USP12: variants seen among roughly 807,000 people sequenced by gnomAD.
The protein encoded by USP12 is ubiquitin carboxyl-terminal hydrolase 12.
Under a neutral mutation model 45.5 loss-of-function variants are expected in USP12, and 19 were observed. The ratio of observed to expected loss-of-function variants is 0.42; its 90% CI spans 0.29 to 0.61. The LOEUF (loss-of-function observed/expected upper bound fraction) is 0.61, where lower values mean the gene tolerates loss of function less well. Among genes scored for constraint, USP12 ranks in the 20% least tolerant of loss-of-function variants. The pLI is 0.22. For missense variants in USP12, 242 were observed against 447.7 expected (o/e 0.54, Z 4.15); for synonymous variants, 149 against 148.8 (o/e 1.00, Z -0.01).
At chr13:27,117,692 G>T in intron 1 of USP12, 2 of 517,614 alleles carry the variant, frequency 3.9e-6, no homozygotes, top group South Asian at 2.8e-5. Flanking sequence ...CTGAGTGAGT[G>T]CTGGAAGAGG....
At chr13:27,072,187 T>C (rs963846328) in intron 7 of USP12, among the ~76,000 whole-genome samples, 8 of 152,202 alleles carry the variant, frequency 5.3e-5, no homozygotes, top group African/African-American at 1.9e-4. Flanking sequence ...TTTCTGTATT[T>C]ATTTAGGCTC....
chr13:27,160,683 T>G (rs970345589), intron 1 of USP12, among the ~76,000 whole-genome samples: 1 of 152,114 alleles, frequency 6.6e-6, no homozygotes, highest in African/African-American at 2.4e-5. Flanking sequence ...CTGAAGAAAT[T>G]ATCAGCTTTA....
intron 1 of USP12, 121 bp downstream of exon 1, chr13:27,171,463 GGGCCGCCC>G (rs1878609289): frequency 8.5e-5 from 1 of 11,702 alleles, no homozygotes; most frequent in African/African-American, 2.6e-4. Context: ...CGGGCCGCCC[GGGCCGCCC>G]AGCCCGCCCG....
intron 2 of USP12, among the ~76,000 whole-genome samples, chr13:27,108,197 G>A (rs1285571640): frequency 6.6e-6 from 1 of 151,892 alleles, no homozygotes; most frequent in East Asian, 1.9e-4. Context: ...GGAATACTAT[G>A]CAGCCATAAA....
chr13:27,086,308 C>CACACACACAA (rs369044569), intron 6 of USP12, among the ~76,000 whole-genome samples: 35 of 122,612 alleles, frequency 2.9e-4, no homozygotes, highest in African/African-American at 9.3e-4. Flanking sequence ...CACACACACA[C>CACACACACAA]AATGCAGCAC....
chr13:27,090,934 C>T (rs1022328919), intron 4 of USP12, among the ~76,000 whole-genome samples: 5 of 152,154 alleles, frequency 3.3e-5, no homozygotes, highest in South Asian at 2.1e-4. Flanking sequence ...TGCAAATATA[C>T]GTAAACCAAG....
intron 3 of USP12, among the ~76,000 whole-genome samples, chr13:27,100,506 T>C (rs1315688717): frequency 6.6e-6 from 1 of 152,168 alleles, no homozygotes; most frequent in African/African-American, 2.4e-5. Flanking sequence ...TGAGGTCATC[T>C]CCCTCCTCCT....
At chr13:27,098,237 AGACT>A (rs1280590993) in intron 3 of USP12, among the ~76,000 whole-genome samples, 1 of 152,190 alleles carries the variant, frequency 6.6e-6, no homozygotes, top group Non-Finnish European at 1.5e-5. Context: ...AACACATCAA[AGACT>A]GACTATGTAA....
At chr13:27,116,439 A>G in intron 2 of USP12, 77 bp downstream of exon 2, 1 of 1,326,080 alleles carries the variant, frequency 7.5e-7, no homozygotes, top group South Asian at 1.4e-5. Context: ...TTTTCCTTTA[A>G]TAACTTATGG....
rs745526498 is a variant in USP12, at chr13:27,107,039, T to C, written c.130-1095A>G. On this transcript the variant is annotated intron_variant, in intron 2 of 8. Transcript: ENST00000282344. Reference sequence around the variant, plus strand: ...ACAAAAACAGCAACAACAAAAAATCTACTGGCCAGACGCAGTGGCTCACAC... The same window carrying C: ...ACAAAAACAGCAACAACAAAAAATCCACTGGCCAGACGCAGTGGCTCACAC... Among the ~76,000 whole-genome samples the C allele has an allele frequency of 2.0e-5, 3 of 152,114 alleles. No individual in the cohort carries two copies. The East Asian group carries it at 5.8e-4, about 29-fold the overall frequency.
chr13:27,157,350 C>A lies in USP12; in HGVS notation c.48+14242G>T, dbSNP rs1877886601. Reference sequence around the variant, plus strand: ...CACAAAGAGGTGTATATAATCCCGTCATTATATAGAGGTGTACATAATTCC... The same window carrying A: ...CACAAAGAGGTGTATATAATCCCGTAATTATATAGAGGTGTACATAATTCC... On this transcript the variant is annotated intron_variant, in intron 1 of 8. Coordinates refer to ENST00000282344, the MANE Select transcript of USP12 (RefSeq NM_182488.4). Among the ~76,000 whole-genome samples, 3 of 152,102 alleles carry A rather than the reference C, an allele frequency of 2.0e-5. No homozygotes were observed. The South Asian group carries it at 6.2e-4, about 32-fold the overall frequency.
chr13:27,082,372 T>C (rs116342767), intron 6 of USP12, among the ~76,000 whole-genome samples: 21 of 152,310 alleles, frequency 1.4e-4, no homozygotes, highest in African/African-American at 4.3e-4. Context: ...TCAGCCTTCA[T>C]AGAACTGAAG....
At chr13:27,153,239 A>C (rs1368746888) in intron 1 of USP12, among the ~76,000 whole-genome samples, 1 of 151,482 alleles carries the variant, frequency 6.6e-6, no homozygotes, top group Non-Finnish European at 1.5e-5. Flanking sequence ...AGGCTGAGGC[A>C]GAGGTTGCAG....
At chr13:27,073,614 AT>A (rs1216737784) in intron 7 of USP12, among the ~76,000 whole-genome samples, 2 of 152,218 alleles carry the variant, frequency 1.3e-5, no homozygotes, top group Non-Finnish European at 2.9e-5. Flanking sequence ...ATCTAGCATG[AT>A]TTAAGTAGAG....
At chr13:27,132,362 T>G (rs957584876) in intron 1 of USP12, among the ~76,000 whole-genome samples, 2 of 152,096 alleles carry the variant, frequency 1.3e-5, no homozygotes, top group South Asian at 2.1e-4. Flanking sequence ...GTTACACATG[T>G]TAAAAAATGT....
chr13:27,130,744 C>T (rs560081592), intron 1 of USP12, among the ~76,000 whole-genome samples: 2 of 152,144 alleles, frequency 1.3e-5, no homozygotes, highest in African/African-American at 2.4e-5. Context: ...CCACGACTAA[C>T]GTGGTTTTTT....
chr13:27,165,823 A>T (rs748922807), intron 1 of USP12, among the ~76,000 whole-genome samples: 5 of 152,218 alleles, frequency 3.3e-5, no homozygotes, highest in Non-Finnish European at 5.9e-5. Context: ...TAGGGAACTA[A>T]GTGAAATTCT....
At chr13:27,152,209 A>T (rs1026788200) in intron 1 of USP12, among the ~76,000 whole-genome samples, 9 of 152,376 alleles carry the variant, frequency 5.9e-5, no homozygotes, top group Admixed American at 4.6e-4. Flanking sequence ...TATTCATAAT[A>T]CCCATAAGGT....
chr13:27,137,170 C>G (rs1876843974), intron 1 of USP12, among the ~76,000 whole-genome samples: 1 of 152,192 alleles, frequency 6.6e-6, no homozygotes, highest in Non-Finnish European at 1.5e-5. Flanking sequence ...TATATTCCCT[C>G]AATTCCTTCA....
Sources: gnomAD v4.1 joint callset for allele counts (sites outside exome capture counted in the v4.1 genomes callset) on GRCh38, gnomAD v4.1.1 for gene constraint, MANE v1.5 for transcripts, NCBI Gene and HGNC (gene_info 2026-07-23, HGNC 2026-07-21) for gene names.